The following PRKAR2B variants were observed in gnomAD, a reference collection of about 807,000 sequenced individuals.
PRKAR2B encodes cAMP-dependent protein kinase type II-beta regulatory subunit.
PRKAR2B carries 14 observed loss-of-function variants against 49.9 expected under a neutral mutation model. That is an observed-to-expected ratio of 0.28 (90% CI 0.19 to 0.44). The LOEUF (loss-of-function observed/expected upper bound fraction) is 0.44, where lower values mean the gene tolerates loss of function less well. PRKAR2B is among the 20% of genes least tolerant of loss of function. PRKAR2B has a pLI of 1.00. For missense variants in PRKAR2B, 393 were observed against 537.9 expected, an observed-to-expected ratio of 0.73 and a Z score of 2.67; for synonymous variants, 196 against 197.7, an observed-to-expected ratio of 0.99 and a Z score of 0.07.
chr7:107,125,540 G>A lies in PRKAR2B; in HGVS notation c.397-2672G>A, dbSNP rs114246590. ...GATCCCTTAGGTGGGATCATGCTAA[G>A]CCCCAGAGGAAAAATGTAGGAGAGC... On this transcript the variant is annotated intron_variant, in intron 3 of 10. Coordinates refer to ENST00000265717, the MANE Select transcript of PRKAR2B (RefSeq NM_002736.3). Among the ~76,000 whole-genome samples the A allele has an allele frequency of 4.2e-3, 645 of 152,298 alleles. 5 individuals carry two copies. The highest frequency in any genetic ancestry group is 0.014 in the African/African-American group (571 of 41,558).
At chr7:107,051,915 C>A (rs1254238410) in intron 1 of PRKAR2B, among the ~76,000 whole-genome samples, 3 of 151,990 alleles carry the variant, frequency 2.0e-5, no homozygotes, top group African/African-American at 7.3e-5. Flanking sequence ...GTTTAATTTA[C>A]ATTAGCTGTT....
At position 107,066,301 on chromosome 7, in the gene PRKAR2B, G is replaced by GGTGTGTGTGTGT. The variant is rs3074837; in HGVS notation, c.308-3959_308-3948dup. On this transcript the variant is annotated intron_variant, in intron 1 of 10. Coordinates refer to ENST00000265717, the MANE Select transcript of PRKAR2B (RefSeq NM_002736.3). ...AGTCTCTAGTTTTCTCTCTATGTGG[G>GGTGTGTGTGTGT]GTGTGTGTGTGTGTGTGTGTGTGTG... 9.8e-3 allele frequency among the ~76,000 whole-genome samples: 1,429 copies of GGTGTGTGTGTGT among 145,588 alleles called. 26 individuals carry two copies. The highest frequency in any genetic ancestry group is 0.031 in the African/African-American group (1,185 of 38,624).
intron 2 of PRKAR2B, among the ~76,000 whole-genome samples, chr7:107,080,122 G>A (rs1771281747): frequency 6.6e-6 from 1 of 152,128 alleles, no homozygotes; most frequent in South Asian, 2.1e-4. Context: ...CTGTGAGCCA[G>A]GTACCAGTCA....
chr7:107,093,887 A>G (rs551501432), intron 2 of PRKAR2B, among the ~76,000 whole-genome samples: 1 of 152,170 alleles, frequency 6.6e-6, no homozygotes, highest in Non-Finnish European at 1.5e-5. Flanking sequence ...TATATGTGCC[A>G]CATTTCCTTA....
intron 2 of PRKAR2B, among the ~76,000 whole-genome samples, chr7:107,121,348 C>G (rs946782936): frequency 6.6e-6 from 1 of 152,098 alleles, no homozygotes; most frequent in Non-Finnish European, 1.5e-5. Flanking sequence ...TTATTTACGG[C>G]ATATAATAAT....
At chr7:107,157,373 G>T (rs1003249097) in intron 10 of PRKAR2B, 49 bp downstream of exon 10, 2 of 1,565,466 alleles carry the variant, frequency 1.3e-6, no homozygotes, top group Non-Finnish European at 1.7e-6. Context: ...ACTTATGTCT[G>T]CATTTTATGT....
At chr7:107,073,943 T>G (rs1017327834) in intron 2 of PRKAR2B, among the ~76,000 whole-genome samples, 2 of 151,908 alleles carry the variant, frequency 1.3e-5, no homozygotes, top group Admixed American at 6.6e-5. Context: ...GTGCCTATAG[T>G]CCCAGTTACT....
Position 107,093,400 on chromosome 7 carries a change from A to G in PRKAR2B, c.343+23084A>G, listed in dbSNP as rs184776386. On this transcript the variant is annotated intron_variant, in intron 2 of 10. Transcript: ENST00000265717. ...TACCTGTTATTTTGGTTTTTTGATAATAGCCAACCTAATGGGTATGAAGTA... is the reference window on the plus strand; with the variant it reads ...TACCTGTTATTTTGGTTTTTTGATAGTAGCCAACCTAATGGGTATGAAGTA... Among the ~76,000 whole-genome samples the G allele has an allele frequency of 1.2e-3, 176 of 152,282 alleles. 1 individual carries two copies. The highest frequency in any genetic ancestry group is 4.1e-3 in the African/African-American group (169 of 41,552).
chr7:107,050,271 C>A (rs1189675683), intron 1 of PRKAR2B, among the ~76,000 whole-genome samples: 1 of 137,550 alleles, frequency 7.3e-6, no homozygotes, highest in Non-Finnish European at 1.5e-5. Flanking sequence ...AGCATTAGTA[C>A]TTTAATTTTT....
intron 4 of PRKAR2B, among the ~76,000 whole-genome samples, chr7:107,129,480 C>T (rs1010365117): frequency 7.2e-5 from 11 of 152,152 alleles, no homozygotes; most frequent in Admixed American, 3.9e-4. Flanking sequence ...AGATGGCTCA[C>T]GGCCCTGTAC....
chr7:107,155,708 A>C (rs1269943077), intron 8 of PRKAR2B, among the ~76,000 whole-genome samples: 1 of 151,674 alleles, frequency 6.6e-6, no homozygotes, highest in African/African-American at 2.4e-5. Context: ...TCCTTTGCCC[A>C]CTTTTTAATG....
intron 2 of PRKAR2B, among the ~76,000 whole-genome samples, chr7:107,077,012 T>C (rs1053557570): frequency 6.6e-6 from 1 of 152,218 alleles, no homozygotes; most frequent in African/African-American, 2.4e-5. Context: ...TCTTGTAGCC[T>C]TGGTGTTCAT....
At chr7:107,047,534 GAA>G (rs539277175) in intron 1 of PRKAR2B, among the ~76,000 whole-genome samples, 2 of 133,664 alleles carry the variant, frequency 1.5e-5, no homozygotes, top group Non-Finnish European at 1.6e-5. Flanking sequence ...CTGGTTAGAA[GAA>G]AAAAAAAAAA....
At position 107,146,291 on chromosome 7, in the gene PRKAR2B, C is replaced by T. The variant is rs775493346; in HGVS notation, c.588-17C>T. Reference sequence around the variant, plus strand: ...TATTTTATTTGAATTAACCTCCAATCTACATATGTCCAACAGAGGCACATT... The same window carrying T: ...TATTTTATTTGAATTAACCTCCAATTTACATATGTCCAACAGAGGCACATT... On this transcript the variant is annotated splice_polypyrimidine_tract_variant and intron_variant, in intron 5 of 10. Coordinates refer to ENST00000265717, the MANE Select transcript of PRKAR2B (RefSeq NM_002736.3). The T allele has an allele frequency of 1.2e-6, 2 of 1,606,868 alleles. No homozygotes were observed. The highest frequency in any genetic ancestry group is 1.7e-6 in the Non-Finnish European group (2 of 1,175,276).
rs112978462 is a variant in PRKAR2B, at chr7:107,150,328, A to G, written c.742-594A>G. ...CTGGAATTAGATCTTACTCAAAAACATAGTTGTAGTTTCTCTGTGCCTTCA... is the reference window on the plus strand; with the variant it reads ...CTGGAATTAGATCTTACTCAAAAACGTAGTTGTAGTTTCTCTGTGCCTTCA... On this transcript the variant is annotated intron_variant, in intron 6 of 10. Coordinates refer to ENST00000265717, the MANE Select transcript of PRKAR2B (RefSeq NM_002736.3). Among the ~76,000 whole-genome samples the G allele has an allele frequency of 8.5e-5, 13 of 152,276 alleles. 3 individuals carry two copies. The highest frequency in any genetic ancestry group is 2.4e-4 in the African/African-American group (10 of 41,570).
In PRKAR2B at chr7:107,050,333, C is replaced by CTTTTTTTTTTTTTTTTTT. The variant is rs57752789; in HGVS notation, c.307+5131_307+5148dup. On this transcript the variant is annotated intron_variant, in intron 1 of 10. Transcript: ENST00000265717. ...TTATTTTAGATAAGACAGTTACCAG[C>CTTTTTTTTTTTTTTTTTT]TTTTTTTTTTTTTTTTTTTTTTTTT... 2.9e-5 allele frequency among the ~76,000 whole-genome samples: 2 copies of CTTTTTTTTTTTTTTTTTT among 68,584 alleles called. 1 individual carries two copies. The highest frequency in any genetic ancestry group is 1.4e-4 in the African/African-American group (2 of 13,942). 45.0% of individuals were successfully genotyped at this position (68,584 alleles called of 152,430 possible).
At chr7:107,107,372 G>A (rs1041088104) in intron 2 of PRKAR2B, among the ~76,000 whole-genome samples, 19 of 151,904 alleles carry the variant, frequency 1.3e-4, no homozygotes, top group African/African-American at 4.6e-4. Flanking sequence ...AAATTTCTTG[G>A]TTTCCCAATT....
chr7:107,048,732 T>A (rs531429236), intron 1 of PRKAR2B, among the ~76,000 whole-genome samples: 23 of 152,290 alleles, frequency 1.5e-4, no homozygotes, highest in South Asian at 8.3e-4. Flanking sequence ...GAAGGTCATC[T>A]TCTTTCCTAC....
intron 2 of PRKAR2B, among the ~76,000 whole-genome samples, chr7:107,101,405 C>G (rs1794963565): frequency 6.6e-6 from 1 of 152,144 alleles, no homozygotes; most frequent in African/African-American, 2.4e-5. Context: ...GCCAAGCTAA[C>G]TCATACCTCC....
Sources: gnomAD v4.1 joint callset for allele counts (sites outside exome capture counted in the v4.1 genomes callset) on GRCh38, gnomAD v4.1.1 for gene constraint, MANE v1.5 for transcripts, NCBI Gene and HGNC (gene_info 2026-07-23, HGNC 2026-07-21) for gene names.